The following SPATA16 variants were observed in gnomAD, a reference collection of about 807,000 sequenced individuals.
The protein encoded by SPATA16 is spermatogenesis associated 16, also known as spermatogenesis-associated protein 16.
A neutral mutation model predicts 63.3 loss-of-function variants in SPATA16; 36 were observed. That is an observed-to-expected ratio of 0.57 (90% CI 0.44 to 0.75). The LOEUF (loss-of-function observed/expected upper bound fraction) is 0.75, where lower values mean the gene tolerates loss of function less well. Ranked by LOEUF, SPATA16 falls within the 30% of genes least tolerant of loss-of-function variation. The probability of loss-of-function intolerance (pLI) is 0.00; values close to 1 mark genes in which losing one functional copy is unlikely to be tolerated. For missense variants in SPATA16, 646 were observed against 679.3 expected (o/e 0.95, Z 0.54); for synonymous variants, 203 against 216.7 (o/e 0.94, Z 0.56).
At chr3:173,024,617 G>C (rs1039564701) in intron 3 of SPATA16, among the ~76,000 whole-genome samples, 7 of 150,692 alleles carry the variant, frequency 4.6e-5, no homozygotes, top group African/African-American at 1.7e-4. Context: ...CATCCAGGAT[G>C]AGAAATGAAC....
chr3:172,909,542 G>T (rs955686182), intron 10 of SPATA16, among the ~76,000 whole-genome samples: 1 of 152,138 alleles, frequency 6.6e-6, no homozygotes, highest in African/African-American at 2.4e-5. Context: ...CACATAGAGA[G>T]GCCACGGTTA....
At chr3:173,069,815 G>A (rs1736622112) in intron 2 of SPATA16, among the ~76,000 whole-genome samples, 1 of 152,174 alleles carries the variant, frequency 6.6e-6, no homozygotes, top group African/African-American at 2.4e-5. Context: ...TCCCTGTGAT[G>A]CAAGGATAGT....
chr3:172,895,291 T>G (rs1003234900), intron 10 of SPATA16, among the ~76,000 whole-genome samples: 3 of 152,230 alleles, frequency 2.0e-5, no homozygotes, highest in Non-Finnish European at 2.9e-5. Context: ...CCCTAACCTC[T>G]TCTTAAGCCC....
chr3:172,926,886 C>T (rs1732748720), intron 6 of SPATA16, among the ~76,000 whole-genome samples: 1 of 152,090 alleles, frequency 6.6e-6, no homozygotes, highest in Non-Finnish European at 1.5e-5. Context: ...AGAGGTAAGC[C>T]CTCTTCGTTT....
intron 4 of SPATA16, among the ~76,000 whole-genome samples, chr3:173,003,998 C>G (rs1035068612): frequency 6.6e-6 from 1 of 152,154 alleles, no homozygotes; most frequent in Non-Finnish European, 1.5e-5. Flanking sequence ...ATTTGCAATT[C>G]TGGGAGTAGA....
chr3:172,961,108 T>TCCTTCCTTCCTG (rs1560080463), intron 5 of SPATA16, among the ~76,000 whole-genome samples: 4 of 144,020 alleles, frequency 2.8e-5, no homozygotes, highest in Non-Finnish European at 6.1e-5. Context: ...CTTCCTTCCT[T>TCCTTCCTTCCTG]CCTTCCTTCC....
In SPATA16 at chr3:173,075,008, AAAAAGG is replaced by A. The variant is rs1352861971; in HGVS notation, c.613-25920_613-25915del. Among the ~76,000 whole-genome samples the A allele has an allele frequency of 6.6e-3, 959 of 146,172 alleles. 13 individuals carry two copies. The highest frequency in any genetic ancestry group is 0.022 in the African/African-American group (875 of 39,952). ...ACTCTATCTCAAAAAAAAAAAAAAA[AAAAAGG>A]AAAGAAAAGAAAAAAAGAAAAACTA... On this transcript the variant is annotated intron_variant, in intron 2 of 10. Coordinates refer to ENST00000351008, the MANE Select transcript of SPATA16 (RefSeq NM_031955.6).
intron 4 of SPATA16, among the ~76,000 whole-genome samples, chr3:173,018,273 A>ATT (rs72021279): frequency 2.0e-4 from 28 of 137,676 alleles, no homozygotes; most frequent in African/African-American, 1.9e-4. Flanking sequence ...CACAATGTCA[A>ATT]TTTTTTTTTT....
At chr3:173,082,425 G>T (rs1032203775) in intron 2 of SPATA16, among the ~76,000 whole-genome samples, 1 of 152,006 alleles carries the variant, frequency 6.6e-6, no homozygotes, top group Non-Finnish European at 1.5e-5. Flanking sequence ...CTTCCTTCCC[G>T]CTTCTGCCTC....
At chr3:172,982,668 T>C (rs1317240804) in intron 4 of SPATA16, among the ~76,000 whole-genome samples, 1 of 152,212 alleles carries the variant, frequency 6.6e-6, no homozygotes, top group Non-Finnish European at 1.5e-5. Context: ...TAAAATAATG[T>C]GACATGTTAT....
chr3:173,110,793 T>TA (rs1209695053), intron 2 of SPATA16, among the ~76,000 whole-genome samples: 2 of 152,202 alleles, frequency 1.3e-5, no homozygotes, highest in South Asian at 2.1e-4. Flanking sequence ...TGCGGCCACT[T>TA]ACGACTACGT....
chr3:173,054,535 C>G (rs914028463), intron 2 of SPATA16, among the ~76,000 whole-genome samples: 2 of 152,034 alleles, frequency 1.3e-5, no homozygotes, highest in Non-Finnish European at 2.9e-5. Context: ...AACACAGGAA[C>G]AGAAAACTAA....
intron 3 of SPATA16, among the ~76,000 whole-genome samples, chr3:173,025,973 C>T (rs944240548): frequency 1.3e-5 from 2 of 151,958 alleles, no homozygotes; most frequent in African/African-American, 4.8e-5. Context: ...TAAGCATATG[C>T]TCAACTTTGT....
chr3:172,968,117 G>A lies in SPATA16; in HGVS notation c.933+8851C>T, dbSNP rs539931770. On this transcript the variant is annotated intron_variant, in intron 5 of 10. Transcript: ENST00000351008. The stretch of plus-strand genomic sequence containing the variant: ...CCTGCCTCAGCCTCCTGAGAAGCGG[G>A]GACTGTATCAGCTCTGTTGCCTGAA... Among the ~76,000 whole-genome samples, 35 of 152,298 alleles carry A rather than the reference G, an allele frequency of 2.3e-4. No individual in the cohort carries two copies. In the South Asian group the frequency reaches 6.2e-3, roughly 27 times the overall value.
At chr3:172,906,240 T>C (rs771004709) in intron 10 of SPATA16, among the ~76,000 whole-genome samples, 4 of 152,204 alleles carry the variant, frequency 2.6e-5, no homozygotes, top group Non-Finnish European at 4.4e-5. Flanking sequence ...TCATGGGATC[T>C]AAAAGTGATG....
intron 2 of SPATA16, among the ~76,000 whole-genome samples, chr3:173,056,269 G>T (rs1316874525): frequency 6.6e-6 from 1 of 152,192 alleles, no homozygotes; most frequent in Non-Finnish European, 1.5e-5. Context: ...TTTGTATAAT[G>T]ACTTTGTCAT....
chr3:173,116,443 A>G (rs1737902927), intron 2 of SPATA16, among the ~76,000 whole-genome samples: 1 of 152,216 alleles, frequency 6.6e-6, no homozygotes, highest in Non-Finnish European at 1.5e-5. Context: ...ATGAGCTAGT[A>G]TAATTTTCCT....
chr3:172,901,700 C>T (rs183926066), intron 10 of SPATA16, among the ~76,000 whole-genome samples: 16 of 152,166 alleles, frequency 1.1e-4, no homozygotes, highest in Admixed American at 1.0e-3. Context: ...AATTCACCCT[C>T]CATAACACCT....
At chr3:173,116,271 CATTT>C (rs1737896841) in intron 2 of SPATA16, among the ~76,000 whole-genome samples, 1 of 152,126 alleles carries the variant, frequency 6.6e-6, no homozygotes, top group African/African-American at 2.4e-5. Flanking sequence ...TGTCTTCATT[CATTT>C]CTTTTTAAAT....
Sources: gnomAD v4.1 joint callset for allele counts (sites outside exome capture counted in the v4.1 genomes callset) on GRCh38, gnomAD v4.1.1 for gene constraint, MANE v1.5 for transcripts, NCBI Gene and HGNC (gene_info 2026-07-23, HGNC 2026-07-21) for gene names.